The following LGSN variants were observed in gnomAD, a reference collection of about 807,000 sequenced individuals.
The protein encoded by LGSN is lengsin, lens protein with glutamine synthetase domain.
A neutral mutation model predicts 19.5 loss-of-function variants in LGSN; 21 were observed. The observed-to-expected ratio is 1.07, with a 90% CI of 0.76 to 1.55. The LOEUF is 1.55. LGSN is among the 40% of genes most tolerant of loss of function. LGSN has a pLI of 0.00. For missense variants in LGSN, 673 were observed against 608.5 expected, an observed-to-expected ratio of 1.11 and a Z score of -1.12; for synonymous variants, 257 against 215.6, an observed-to-expected ratio of 1.19 and a Z score of -1.68.
chr6:63,432,280 T>C, the LGSN span, among the ~76,000 whole-genome samples: 2 of 152,250 alleles, frequency 1.3e-5, no homozygotes, highest in East Asian at 1.9e-4. Flanking sequence ...AACTCCCAGA[T>C]AGAAATAAAC....
chr6:63,432,115 AAGAAAG>A, the LGSN span, among the ~76,000 whole-genome samples: 2 of 117,298 alleles, frequency 1.7e-5, no homozygotes, highest in African/African-American at 6.9e-5. Context: ...GAAAGAAAGA[AAGAAAG>A]AAAGAAAGAA....
chr6:63,375,790 A>G, the LGSN span, among the ~76,000 whole-genome samples: 9 of 152,216 alleles, frequency 5.9e-5, no homozygotes, highest in Non-Finnish European at 1.2e-4. Flanking sequence ...GGAAGTGAGT[A>G]GAAAATTACT....
chr6:63,566,401 AG>A, the LGSN span, among the ~76,000 whole-genome samples: 2 of 152,174 alleles, frequency 1.3e-5, no homozygotes, highest in South Asian at 2.1e-4. Flanking sequence ...GGTCGGGGTC[AG>A]TTTCTTTCCA....
At chr6:63,305,037 CA>C (rs1467383347) in intron 1 of LGSN, among the ~76,000 whole-genome samples, 1 of 152,118 alleles carries the variant, frequency 6.6e-6, no homozygotes, top group Non-Finnish European at 1.5e-5. Context: ...TGAACTCTTG[CA>C]TTAGACCCCA....
the LGSN span, among the ~76,000 whole-genome samples, chr6:63,354,918 G>C: frequency 6.6e-6 from 1 of 151,104 alleles, no homozygotes; most frequent in African/African-American, 2.4e-5. Flanking sequence ...TCATATATGG[G>C]AGAAAAAAAA....
At chr6:63,443,100 G>A in the LGSN span, among the ~76,000 whole-genome samples, 1 of 152,214 alleles carries the variant, frequency 6.6e-6, no homozygotes, top group Admixed American at 6.5e-5. Context: ...TGGGGAGGTG[G>A]CTGAGGCCTG....
chr6:63,365,673 A>G, the LGSN span, among the ~76,000 whole-genome samples: 2 of 152,204 alleles, frequency 1.3e-5, no homozygotes, highest in African/African-American at 2.4e-5. Flanking sequence ...ATGAACATCA[A>G]TGCAAAAATC....
chr6:63,302,951 A>AC (rs972660056), intron 1 of LGSN, among the ~76,000 whole-genome samples: 47 of 152,092 alleles, frequency 3.1e-4, no homozygotes, highest in African/African-American at 9.4e-4. Context: ...ATATAGTGAG[A>AC]CCCCCATCTC....
chr6:63,464,520 T>C, the LGSN span, among the ~76,000 whole-genome samples: 3 of 150,220 alleles, frequency 2.0e-5, no homozygotes, highest in African/African-American at 4.9e-5. Flanking sequence ...GCTTAAAATC[T>C]AGTATGGAAA....
chr6:63,487,874 G>A, the LGSN span, among the ~76,000 whole-genome samples: 30 of 152,118 alleles, frequency 2.0e-4, 1 homozygote, highest in South Asian at 2.3e-3. Context: ...CCAGCTACTT[G>A]GGAGGCTGAG....
Position 63,277,292 on chromosome 6 carries a change from G to C in LGSN, c.*2729C>G, listed in dbSNP as rs758647745. On this transcript the variant is annotated 3_prime_UTR_variant, in exon 4 of 4. Coordinates refer to ENST00000370657, the MANE Select transcript of LGSN (RefSeq NM_016571.3). ...TTCATTAAGGCCCGTGGACTATAAAGGGATATGCCACTTTATAGGGATGGG... is the reference window on the plus strand; with the variant it reads ...TTCATTAAGGCCCGTGGACTATAAACGGATATGCCACTTTATAGGGATGGG... 6.6e-6 allele frequency: 1 copy of C among 152,138 alleles called. No homozygotes were observed. The highest frequency in any genetic ancestry group is 1.5e-5 in the Non-Finnish European group (1 of 68,024). 9.4% of individuals were successfully genotyped at this position (152,138 alleles called of 1,614,324 possible).
At chr6:63,493,382 C>T in the LGSN span, among the ~76,000 whole-genome samples, 2 of 152,152 alleles carry the variant, frequency 1.3e-5, no homozygotes, top group South Asian at 4.1e-4. Context: ...TGACAAAAGT[C>T]CATTTTCTTT....
At chr6:63,352,834 A>G in the LGSN span, among the ~76,000 whole-genome samples, 2 of 152,116 alleles carry the variant, frequency 1.3e-5, no homozygotes, top group Non-Finnish European at 2.9e-5. Context: ...AGTAAGGATT[A>G]AGGGAACCAT....
chr6:63,489,069 A>G, the LGSN span, among the ~76,000 whole-genome samples: 1 of 152,216 alleles, frequency 6.6e-6, no homozygotes, highest in African/African-American at 2.4e-5. Context: ...GCTAAGGATC[A>G]TGATAAAAAA....
chr6:63,366,495 A>C, the LGSN span, among the ~76,000 whole-genome samples: 1 of 152,190 alleles, frequency 6.6e-6, no homozygotes. Context: ...AATCTGTATC[A>C]TGAAAATGGC....
the LGSN span, among the ~76,000 whole-genome samples, chr6:63,412,427 A>AG: frequency 7.2e-6 from 1 of 138,374 alleles, no homozygotes; most frequent in African/African-American, 3.1e-5. Context: ...AGAAAGAAAG[A>AG]AAGAAAGAAA....
the LGSN span, chr6:63,571,541 A>C: frequency 8.5e-5 from 13 of 152,356 alleles, no homozygotes; most frequent in Non-Finnish European, 1.5e-5. Context: ...AAACGAACAT[A>C]AAGAAGAGCT....
chr6:63,572,537 T>C, the LGSN span: 2 of 395,260 alleles, frequency 5.1e-6, no homozygotes, highest in East Asian at 3.6e-5. Context: ...CGCGCTCTGC[T>C]CCGAGCCGCT....
the LGSN span, among the ~76,000 whole-genome samples, chr6:63,440,048 T>G: frequency 6.6e-6 from 1 of 152,192 alleles, no homozygotes; most frequent in Non-Finnish European, 1.5e-5. Context: ...AAGACAAACA[T>G]AGGTTCCTCC....
Sources: gnomAD v4.1 joint callset for allele counts (sites outside exome capture counted in the v4.1 genomes callset) on GRCh38, gnomAD v4.1.1 for gene constraint, MANE v1.5 for transcripts, NCBI Gene and HGNC (gene_info 2026-07-23, HGNC 2026-07-21) for gene names.